Variants in CIB4 observed in about 807,000 individuals in gnomAD.
The protein encoded by CIB4 is calcium and integrin binding family member 4, also known as calcium and integrin-binding family member 4.
Under a neutral mutation model 25.8 loss-of-function variants are expected in CIB4, and 25 were observed. The observed-to-expected ratio is 0.97, with a 90% confidence interval of 0.71 to 1.35. The LOEUF is 1.35. Among genes scored for constraint, CIB4 ranks in the 40% most tolerant of loss-of-function variants. The pLI, the probability that CIB4 is intolerant of heterozygous loss-of-function variation, is 0.00. For synonymous variants in CIB4, 75 were observed against 81.4 expected, an observed-to-expected ratio of 0.92 and a Z score of 0.42; for missense variants, 235 against 228.2, an observed-to-expected ratio of 1.03 and a Z score of -0.19.
In CIB4 at chr2:26,620,498, A is replaced by G. The variant is rs190496609; in HGVS notation, c.186+8912T>C. Among the ~76,000 whole-genome samples the G allele has an allele frequency of 5.3e-5, 8 of 152,282 alleles. No homozygotes were observed. In the East Asian group the frequency reaches 1.4e-3, roughly 26 times the overall value. On this transcript the variant is annotated intron_variant, in intron 3 of 6. Coordinates refer to ENST00000288861, the MANE Select transcript of CIB4 (RefSeq NM_001029881.3). ...GCTTTCTCCACGGGGGACGTCAGAC[A>G]TGGTTGAGAACTGGGGAGTGAATAA...
chr2:26,635,346 C>T (rs906404837), intron 2 of CIB4, among the ~76,000 whole-genome samples: 1 of 152,194 alleles, frequency 6.6e-6, no homozygotes, highest in African/African-American at 2.4e-5. Context: ...ATCTGGTGAC[C>T]AGGCCTTTGT....
chr2:26,627,888 C>T lies in CIB4; in HGVS notation c.186+1522G>A, dbSNP rs551770202. On this transcript the variant is annotated intron_variant, in intron 3 of 6. Transcript: ENST00000288861. The surrounding 1 kb of genome is among the most constrained non-coding windows in gnomAD (Gnocchi z 4.0). ...AGATAGGCCTGTCACTTAGGAGGGG[C>T]CGTGCAGCCGTGGCTTGAATGACAT... 1.3e-5 allele frequency among the ~76,000 whole-genome samples: 2 copies of T among 152,224 alleles called. No homozygotes were observed. Among genetic ancestry groups the T allele is most frequent in the East Asian group, 1.9e-4 (1 of 5,176 alleles).
At chr2:26,614,577 C>T (rs1669056504) in intron 3 of CIB4, among the ~76,000 whole-genome samples, 1 of 152,238 alleles carries the variant, frequency 6.6e-6, no homozygotes, top group African/African-American at 2.4e-5. Context: ...ACAGGGCGCC[C>T]AGTTCCGGCT....
intron 3 of CIB4, among the ~76,000 whole-genome samples, chr2:26,604,595 C>A (rs1220341654): frequency 1.3e-5 from 2 of 152,100 alleles, no homozygotes; most frequent in African/African-American, 4.8e-5. Context: ...AATCTGAAGA[C>A]AAAATACTCT....
In CIB4 at chr2:26,589,101, CTTCTTCCTCTTCT is replaced by C. The variant is rs1558555078; in HGVS notation, c.329-5216_329-5204del. On this transcript the variant is annotated intron_variant, in intron 4 of 6. Transcript: ENST00000288861. ...TCTTCTTCTTCTTCTTCTTCTTCTTCTTCTTCCTCTTCTTCTTCTTCTTCTTCTTCTTCTTCTT... is the reference window on the plus strand; with the variant it reads ...TCTTCTTCTTCTTCTTCTTCTTCTTCTCTTCTTCTTCTTCTTCTTCTTCTT... 8.4e-4 allele frequency among the ~76,000 whole-genome samples: 99 copies of C among 117,160 alleles called. 6 individuals carry two copies. The highest frequency in any genetic ancestry group is 1.3e-3 in the African/African-American group (31 of 24,258). 76.9% of individuals were successfully genotyped at this position (117,160 alleles called of 152,430 possible).
In CIB4 at chr2:26,627,565, A is replaced by C. The variant is rs1669332886; in HGVS notation, c.186+1845T>G. Among the ~76,000 whole-genome samples, 1 of 152,122 alleles carries C rather than the reference A, an allele frequency of 6.6e-6. No homozygotes were observed. The highest frequency in any genetic ancestry group is 6.5e-5 in the Admixed American group (1 of 15,272). Reference sequence around the variant, plus strand: ...CCTGGGTTTGAGAGAAGTCCCACCCACATGTGGTGGAGCCCATGCACGTGT... The same window carrying C: ...CCTGGGTTTGAGAGAAGTCCCACCCCCATGTGGTGGAGCCCATGCACGTGT... On this transcript the variant is annotated intron_variant, in intron 3 of 6. Coordinates refer to ENST00000288861, the MANE Select transcript of CIB4 (RefSeq NM_001029881.3). This position sits in a 1 kb window ranked among gnomAD's most constrained non-coding sequence, Gnocchi z 4.0.
chr2:26,613,025 A>C (rs541679955), intron 3 of CIB4, among the ~76,000 whole-genome samples: 1 of 152,146 alleles, frequency 6.6e-6, no homozygotes, highest in Non-Finnish European at 1.5e-5. Flanking sequence ...GCAGAAAGAG[A>C]GAGAAGGAGG....
intron 3 of CIB4, among the ~76,000 whole-genome samples, chr2:26,610,961 T>G (rs939583953): frequency 2.6e-5 from 4 of 152,030 alleles, no homozygotes; most frequent in Admixed American, 6.5e-5. Context: ...AAAATACACA[T>G]GGGTGTCATA....
intron 3 of CIB4, among the ~76,000 whole-genome samples, chr2:26,608,551 C>A (rs17005524): frequency 0.081 from 12,310 of 152,216 alleles, 814 homozygotes; most frequent in Admixed American, 0.23. Context: ...CCTGATCGAA[C>A]TCCCAGGGCC....
chr2:26,592,281 C>G (rs570626612), intron 4 of CIB4, among the ~76,000 whole-genome samples: 1 of 152,338 alleles, frequency 6.6e-6, no homozygotes, highest in East Asian at 1.9e-4. Flanking sequence ...AGCACGGCTG[C>G]CACCTGTGGG....
intron 3 of CIB4, among the ~76,000 whole-genome samples, chr2:26,596,181 G>T (rs1240465479): frequency 6.6e-6 from 1 of 152,152 alleles, no homozygotes; most frequent in Non-Finnish European, 1.5e-5. Flanking sequence ...TGCAAGCCAC[G>T]AAAGGAAACA....
At chr2:26,595,658 C>A (rs1357681877) in intron 3 of CIB4, among the ~76,000 whole-genome samples, 2 of 152,226 alleles carry the variant, frequency 1.3e-5, no homozygotes. Context: ...AGGTAGAAAT[C>A]ATGAGCATCC....
chr2:26,597,350 T>C (rs561535977), intron 3 of CIB4, among the ~76,000 whole-genome samples: 1 of 152,188 alleles, frequency 6.6e-6, no homozygotes, highest in African/African-American at 2.4e-5. Context: ...GTGAATGGGG[T>C]TGAAAATGAG....
At chr2:26,609,332 G>A (rs1038674237) in intron 3 of CIB4, among the ~76,000 whole-genome samples, 3 of 152,078 alleles carry the variant, frequency 2.0e-5, no homozygotes, top group African/African-American at 7.2e-5. Flanking sequence ...AGGCAGCAGC[G>A]GATGCAAATG....
At chr2:26,628,384 C>G (rs563970910) in intron 3 of CIB4, among the ~76,000 whole-genome samples, 1 of 152,144 alleles carries the variant, frequency 6.6e-6, no homozygotes, top group African/African-American at 2.4e-5. Context: ...AGCCTCCCCC[C>G]ACTGCTCTAC....
intron 4 of CIB4, among the ~76,000 whole-genome samples, chr2:26,589,846 G>A (rs1027533468): frequency 5.3e-5 from 8 of 152,292 alleles, no homozygotes; most frequent in Admixed American, 5.2e-4. Context: ...AGTGGACTTA[G>A]CTGCACTTTG....
chr2:26,616,350 C>T (rs1363743805), intron 3 of CIB4, among the ~76,000 whole-genome samples: 1 of 152,206 alleles, frequency 6.6e-6, no homozygotes. Context: ...AGCCAGCATG[C>T]ATCTCCCCAA....
intron 3 of CIB4, 79 bp from the exon 4 acceptor site, chr2:26,595,396 A>G (rs923168593): frequency 6.8e-7 from 1 of 1,476,968 alleles, no homozygotes; most frequent in Non-Finnish European, 9.3e-7. Context: ...CATCTATTAC[A>G]AACACTGTGT....
At chr2:26,620,531 G>C (rs1669185933) in intron 3 of CIB4, among the ~76,000 whole-genome samples, 1 of 152,194 alleles carries the variant, frequency 6.6e-6, no homozygotes, top group Admixed American at 6.5e-5. Context: ...TAAACATACA[G>C]GTGCTGAACT....
Sources: allele counts gnomAD v4.1 joint callset (sites outside exome capture counted in the v4.1 genomes callset), GRCh38; gene constraint gnomAD v4.1.1; non-coding constraint Gnocchi (gnomAD v3.1); transcripts MANE v1.5; gene names NCBI Gene and HGNC (gene_info 2026-07-23, HGNC 2026-07-21).